CEP128: variants seen among roughly 807,000 people sequenced by gnomAD.
CEP128 encodes the protein centrosomal protein 128kDa.
A neutral mutation model predicts 156.7 loss-of-function variants in CEP128; 132 were observed. The observed-to-expected ratio is 0.84, with a 90% CI of 0.73 to 0.97. The LOEUF is 0.97. Among genes scored for constraint, CEP128 ranks in the 50% least tolerant of loss-of-function variants. CEP128 has a pLI of 0.00. For missense variants in CEP128, 1,252 were observed against 1,281.9 expected (o/e 0.98, Z 0.36); for synonymous variants, 469 against 448.9 (o/e 1.04, Z -0.57).
intron 19 of CEP128, among the ~76,000 whole-genome samples, chr14:80,613,394 C>G (rs1330931703): frequency 7.2e-6 from 1 of 139,042 alleles, no homozygotes; most frequent in Non-Finnish European, 1.5e-5. Context: ...GCTCCACCTC[C>G]TGGGTTCATG....
chr14:80,871,781 A>T (rs1888040731), intron 8 of CEP128, among the ~76,000 whole-genome samples: 2 of 152,272 alleles, frequency 1.3e-5, no homozygotes, highest in African/African-American at 4.8e-5. Context: ...AAAAATTCCT[A>T]AATCTCCATA....
At chr14:80,782,443 C>A (rs1251047766) in intron 15 of CEP128, among the ~76,000 whole-genome samples, 1 of 152,132 alleles carries the variant, frequency 6.6e-6, no homozygotes, top group Non-Finnish European at 1.5e-5. Flanking sequence ...CAATGTTAGC[C>A]ACATGGAAGT....
intron 21 of CEP128, among the ~76,000 whole-genome samples, chr14:80,553,643 T>C (rs186444819): frequency 1.3e-5 from 2 of 152,360 alleles, no homozygotes; most frequent in East Asian, 3.9e-4. Flanking sequence ...TATAAAGCAC[T>C]TGTAATTCTT....
chr14:80,528,175 A>G (rs1889065475), intron 22 of CEP128, among the ~76,000 whole-genome samples: 1 of 152,224 alleles, frequency 6.6e-6, no homozygotes. Flanking sequence ...GGAAGTTAAG[A>G]ATGACTTGCC....
chr14:80,561,408 T>C (rs1001045405), intron 20 of CEP128, among the ~76,000 whole-genome samples: 5 of 152,186 alleles, frequency 3.3e-5, no homozygotes, highest in African/African-American at 1.2e-4. Flanking sequence ...CTTTGATCTA[T>C]TGTTGCCAGG....
chr14:80,883,006 A>G (rs1254334922), intron 8 of CEP128, among the ~76,000 whole-genome samples: 1 of 152,192 alleles, frequency 6.6e-6, no homozygotes, highest in African/African-American at 2.4e-5. Flanking sequence ...GACTAAGGTC[A>G]ATAAGAATTT....
intron 15 of CEP128, among the ~76,000 whole-genome samples, chr14:80,778,786 T>C (rs1900941192): frequency 6.6e-6 from 1 of 152,356 alleles, no homozygotes; most frequent in Non-Finnish European, 1.5e-5. Flanking sequence ...TTGTCAGGTA[T>C]GTGAACTTAA....
chr14:80,788,288 C>CTTTTTTTTTTTTTTTTTTT (rs10628361), intron 14 of CEP128, among the ~76,000 whole-genome samples: 3 of 97,256 alleles, frequency 3.1e-5, no homozygotes, highest in Non-Finnish European at 5.7e-5. Flanking sequence ...TGGCCAGGAT[C>CTTTTTTTTTTTTTTTTTTT]TTTTTTTTTT....
chr14:80,607,906 G>A (rs1892849076), intron 19 of CEP128, among the ~76,000 whole-genome samples: 1 of 152,124 alleles, frequency 6.6e-6, no homozygotes, highest in Non-Finnish European at 1.5e-5. Flanking sequence ...CACACCACCA[G>A]AAGTACTCTC....
intron 21 of CEP128, among the ~76,000 whole-genome samples, chr14:80,534,965 A>G (rs1889418173): frequency 6.6e-6 from 1 of 152,230 alleles, no homozygotes; most frequent in Non-Finnish European, 1.5e-5. Context: ...TTAGAAAACA[A>G]AGAAAAGTTC....
intron 9 of CEP128, among the ~76,000 whole-genome samples, chr14:80,857,536 C>A (rs1383920305): frequency 6.6e-5 from 10 of 151,698 alleles, no homozygotes; most frequent in African/African-American, 2.4e-4. Flanking sequence ...AGTTTAAGAC[C>A]AGCCTGGGCA....
chr14:80,932,132 A>C (rs1566723458), intron 2 of CEP128, among the ~76,000 whole-genome samples: 1 of 152,218 alleles, frequency 6.6e-6, no homozygotes. Context: ...CCATGTGAAG[A>C]AGGATGTGTT....
intron 21 of CEP128, among the ~76,000 whole-genome samples, chr14:80,558,751 G>A (rs888985540): frequency 6.6e-6 from 1 of 152,182 alleles, no homozygotes; most frequent in African/African-American, 2.4e-5. Flanking sequence ...AATATTGTAT[G>A]CATGTAGTCT....
intron 13 of CEP128, among the ~76,000 whole-genome samples, chr14:80,807,558 G>A (rs903685927): frequency 2.0e-5 from 3 of 152,154 alleles, no homozygotes; most frequent in South Asian, 4.1e-4. Flanking sequence ...AAGACCCAGC[G>A]GGGCTAGGTT....
exon 7 of CEP128, chr14:80,490,713 G>A (rs976505995): frequency 2.0e-5 from 3 of 152,116 alleles, no homozygotes; most frequent in African/African-American, 7.2e-5. Flanking sequence ...CTGAATCACA[G>A]CTCGGATACC....
intron 8 of CEP128, among the ~76,000 whole-genome samples, chr14:80,889,492 A>G (rs1888975239): frequency 6.6e-6 from 1 of 152,236 alleles, no homozygotes; most frequent in South Asian, 2.1e-4. Flanking sequence ...CAACCATCTG[A>G]TCTTTAACAA....
At position 80,526,921 on chromosome 14, in the gene CEP128, T is replaced by A; in HGVS notation, c.3020A>T (p.Asn1007Ile). The change falls in exon 23 of 25, where the codon AAT becomes ATT. Residue 1007 changes from asparagine (N) to isoleucine (I), a missense_variant. Physicochemically the swap from Asn to Ile is moderately radical, Grantham distance 149 (BLOSUM62 -3). Transcript: ENST00000555265. ...GTCATCTTGGTGATGCTGAAGAGAATTTCTGCGAACCCTGTATTTGGAATA... is the reference window on the plus strand; with the variant it reads ...GTCATCTTGGTGATGCTGAAGAGAAATTCTGCGAACCCTGTATTTGGAATA... ...GRYSKYRVRR[N>I]SLQHHQDDTK... The A allele has an allele frequency of 6.2e-7, 1 of 1,612,078 alleles. No individual in the cohort carries two copies. The highest frequency in any genetic ancestry group is 8.5e-7 in the Non-Finnish European group (1 of 1,179,034).
At chr14:80,939,974 C>A (rs1396815157) in intron 1 of CEP128, among the ~76,000 whole-genome samples, 2 of 152,178 alleles carry the variant, frequency 1.3e-5, no homozygotes, top group African/African-American at 4.8e-5. Context: ...CAGTTCTTCC[C>A]ATACTCAGTG....
At chr14:80,489,219 ACTTTCAAACCTAG>A, downstream of CEP128, among the ~76,000 whole-genome samples, 1 of 151,702 alleles carries the variant, frequency 6.6e-6, no homozygotes, top group South Asian at 2.1e-4. Flanking sequence ...GTAAAAGTAA[ACTTTCAAACCTAG>A]CTGAAATAAA....
Sources: gnomAD v4.1 joint callset for allele counts (sites outside exome capture counted in the v4.1 genomes callset) on GRCh38, gnomAD v4.1.1 for gene constraint, MANE v1.5 for transcripts, NCBI Gene and HGNC (gene_info 2026-07-23, HGNC 2026-07-21) for gene names.